The following ZNF462 variants were observed in gnomAD, a reference collection of about 807,000 sequenced individuals.
ZNF462 encodes the protein zinc finger protein 462.
A neutral mutation model predicts 201.9 loss-of-function variants in ZNF462; 10 were observed. The ratio of observed to expected loss-of-function variants is 0.05; its 90% confidence interval spans 0.03 to 0.08. The LOEUF is 0.08. Ranked by LOEUF, ZNF462 falls within the 10% of genes least tolerant of loss-of-function variation. ZNF462 has a pLI of 1.00. For synonymous variants in ZNF462, 1,227 were observed against 1,193.3 expected (o/e 1.03, Z -0.58); for missense variants, 2,523 against 3,168.3 (o/e 0.80, Z 4.89).
Position 106,925,598 on chromosome 9 carries a change from G to A in ZNF462, c.1686G>A (p.Gln562=), listed in dbSNP as rs755748800. ...PPPSQPQPLQ[Q]PQPPQLQPPH... ...CATCACAGCCACAGCCACTGCAGCA[G>A]CCACAGCCACCACAGCTGCAGCCAC... Residue 562 remains glutamine, a synonymous_variant, in exon 3 of 13, where the codon CAG becomes CAA. Coordinates refer to ENST00000277225, the MANE Select transcript of ZNF462 (RefSeq NM_021224.6). The surrounding 1 kb of genome is among the most constrained non-coding windows in gnomAD (Gnocchi z 7.9). 1.2e-6 allele frequency: 2 copies of A among 1,613,128 alleles called. No individual in the cohort carries two copies. Among genetic ancestry groups the A allele is most frequent in the Admixed American group, 3.3e-5 (2 of 59,896 alleles).
chr9:106,977,752 A>T lies in ZNF462; in HGVS notation c.6832+3479A>T, dbSNP rs887516403. ...TTGTAGTAGAGAGGGGTGGCTTTCAAACTGAGCCATGATAACATTTCAACA... is the reference window on the plus strand; with the variant it reads ...TTGTAGTAGAGAGGGGTGGCTTTCATACTGAGCCATGATAACATTTCAACA... On this transcript the variant is annotated intron_variant, in intron 9 of 12. Transcript: ENST00000277225. The surrounding 1 kb of genome is among the most constrained non-coding windows in gnomAD (Gnocchi z 4.6). Among the ~76,000 whole-genome samples the T allele has an allele frequency of 6.6e-6, 1 of 151,558 alleles. No individual in the cohort carries two copies. The highest frequency in any genetic ancestry group is 6.6e-5 in the Admixed American group (1 of 15,260).
In ZNF462 at chr9:106,923,738, G is replaced by A. The variant is rs577912290; in HGVS notation, c.220+135G>A. On this transcript the variant is annotated intron_variant, in intron 2 of 12. Coordinates refer to ENST00000277225, the MANE Select transcript of ZNF462 (RefSeq NM_021224.6). This position sits in a 1 kb window ranked among gnomAD's most constrained non-coding sequence, Gnocchi z 5.6. ...CTTTGCTAGCCATTTTTGTGGTTTGGGCATCATGTATCTCTCCTTGAGTAC... is the reference window on the plus strand; with the variant it reads ...CTTTGCTAGCCATTTTTGTGGTTTGAGCATCATGTATCTCTCCTTGAGTAC... The A allele has an allele frequency of 4.8e-6, 4 of 838,582 alleles. No homozygotes were observed. In the African/African-American group the frequency reaches 5.1e-5, roughly 11 times the overall value. The allele number at this position is 838,582 out of a possible 1,614,324, so 51.9% of individuals were successfully genotyped here.
At chr9:106,934,651 A>G (rs1830556691) in intron 5 of ZNF462, among the ~76,000 whole-genome samples, 1 of 152,216 alleles carries the variant, frequency 6.6e-6, no homozygotes, top group Non-Finnish European at 1.5e-5. Flanking sequence ...TTTGGAGCTC[A>G]GGACAGCATT....
chr9:106,942,895 G>A (rs556129994), intron 7 of ZNF462, among the ~76,000 whole-genome samples: 2 of 152,050 alleles, frequency 1.3e-5, no homozygotes, highest in African/African-American at 4.8e-5. Context: ...AGTTTCTCCC[G>A]GGGACTAATA....
chr9:106,941,945 G>T (rs1046435470), intron 7 of ZNF462, among the ~76,000 whole-genome samples: 3 of 152,172 alleles, frequency 2.0e-5, no homozygotes, highest in Non-Finnish European at 4.4e-5. Flanking sequence ...GGCCTTGAAT[G>T]GTGTTTGAAA....
At chr9:107,000,977 C>T (rs1275058134) in intron 10 of ZNF462, among the ~76,000 whole-genome samples, 1 of 152,174 alleles carries the variant, frequency 6.6e-6, no homozygotes, top group Middle Eastern at 3.2e-3. Context: ...ATTAAAACAA[C>T]TGGATTAAAG....
At chr9:106,969,076 C>T (rs1013169335) in intron 7 of ZNF462, among the ~76,000 whole-genome samples, 9 of 151,996 alleles carry the variant, frequency 5.9e-5, no homozygotes, top group African/African-American at 1.2e-4. Flanking sequence ...TCCACGTGAG[C>T]GAGAGCGAAA....
At chr9:106,921,793 C>T (rs1830002747) in intron 1 of ZNF462, among the ~76,000 whole-genome samples, 1 of 152,132 alleles carries the variant, frequency 6.6e-6, no homozygotes, top group African/African-American at 2.4e-5. Flanking sequence ...GTAATTTGAT[C>T]CAGAGCTGAT....
chr9:106,931,020 G>T, intron 4 of ZNF462: 1 of 232,866 alleles, frequency 4.3e-6, no homozygotes. Context: ...AGTTGCCCGA[G>T]CTCTTGAGAG....
At chr9:106,896,264 G>A (rs1363368341) in intron 1 of ZNF462, among the ~76,000 whole-genome samples, 1 of 152,164 alleles carries the variant, frequency 6.6e-6, no homozygotes, top group African/African-American at 2.4e-5. Flanking sequence ...GCACTCAAAT[G>A]TTTAGTTAGT....
chr9:107,009,398 C>A lies in ZNF462; in HGVS notation c.7190-147C>A, dbSNP rs1829787835. 2 of 1,134,708 alleles carry A rather than the reference C, an allele frequency of 1.8e-6. No homozygotes were observed. The highest frequency in any genetic ancestry group is 1.6e-5 in the African/African-American group (1 of 64,190). The allele number at this position is 1,134,708 out of a possible 1,614,324, so 70.3% of individuals were successfully genotyped here. On this transcript the variant is annotated intron_variant, in intron 11 of 12. Transcript: ENST00000277225. The surrounding 1 kb of genome is among the most constrained non-coding windows in gnomAD (Gnocchi z 6.1). ...TCAAGGAATGCCCTAAGGGGGAAAC[C>A]TAAGAAAAAGTGAGGAATCTGGAAA... is the stretch of plus-strand genomic sequence containing the variant.
chr9:106,986,229 G>A (rs534145514), intron 10 of ZNF462, among the ~76,000 whole-genome samples: 46 of 152,292 alleles, frequency 3.0e-4, no homozygotes, highest in African/African-American at 1.1e-3. Context: ...GTGGGCGGAA[G>A]GCTGAGGCTT....
chr9:106,863,982 C>T (rs963264570), intron 1 of ZNF462, among the ~76,000 whole-genome samples: 1 of 149,630 alleles, frequency 6.7e-6, no homozygotes, highest in Non-Finnish European at 1.5e-5. Flanking sequence ...TCTGCCTGTC[C>T]CCCGCCCGAT....
Position 106,928,577 on chromosome 9 carries a change from T to C in ZNF462, c.4665T>C (p.Ser1555=), listed in dbSNP as rs1359607242. 2 of 1,613,968 alleles carry C rather than the reference T, an allele frequency of 1.2e-6. No homozygotes were observed. Among genetic ancestry groups the C allele is most frequent in the African/African-American group, 2.7e-5 (2 of 74,896 alleles). Residue 1555 remains serine, a synonymous_variant, in exon 3 of 13, where the codon TCT becomes TCC. Coordinates refer to ENST00000277225, the MANE Select transcript of ZNF462 (RefSeq NM_021224.6). This position sits in a 1 kb window ranked among gnomAD's most constrained non-coding sequence, Gnocchi z 9.3. The part of the protein sequence containing the change: ...AEDFVHDVEQ[S]ADISQNDVEE... Reference sequence around the variant, plus strand: ...ACTTTGTGCACGACGTAGAGCAGTCTGCTGACATATCCCAGAATGACGTGG... The same window carrying C: ...ACTTTGTGCACGACGTAGAGCAGTCCGCTGACATATCCCAGAATGACGTGG...
In ZNF462 at chr9:106,926,808, C is replaced by A; in HGVS notation, c.2896C>A (p.Gln966Lys). Residue 966 changes from glutamine to lysine, a missense_variant, in exon 3 of 13, where the codon CAG becomes AAG. Around this residue, in one of 15 missense-constraint regions of ZNF462, gnomAD observed 280 missense variants for 321.3 expected, o/e 0.87. Coordinates refer to ENST00000277225, the MANE Select transcript of ZNF462 (RefSeq NM_021224.6). The surrounding 1 kb of genome is among the most constrained non-coding windows in gnomAD (Gnocchi z 7.9). ...AMIFSSYVVE[Q>K]QEGLNTESQT... ...GATATTTTCAAGCTATGTCGTGGAG[C>A]AGCAGGAAGGGCTGAATACAGAATC... 1 of 1,614,156 alleles carries A rather than the reference C, an allele frequency of 6.2e-7. No homozygotes were observed. Among genetic ancestry groups the A allele is most frequent in the Middle Eastern group, 1.6e-4 (1 of 6,062 alleles).
Position 106,885,433 on chromosome 9 carries a change from G to C in ZNF462, c.-31+22078G>C, listed in dbSNP as rs181917069. Among the ~76,000 whole-genome samples, 426 of 152,270 alleles carry C rather than the reference G, an allele frequency of 2.8e-3. 2 individuals carry two copies. The highest frequency in any genetic ancestry group is 2.6e-3 in the Non-Finnish European group (176 of 68,018). On this transcript the variant is annotated intron_variant, in intron 1 of 12. Coordinates refer to ENST00000277225, the MANE Select transcript of ZNF462 (RefSeq NM_021224.6). This position sits in a 1 kb window ranked among gnomAD's most constrained non-coding sequence, Gnocchi z 4.1. ...TTAGTAACAGAAAGCAGCAGTCATGGCCCAAGAACCTGTGGTTCTTGGTTG... is the reference window on the plus strand; with the variant it reads ...TTAGTAACAGAAAGCAGCAGTCATGCCCCAAGAACCTGTGGTTCTTGGTTG...
intron 7 of ZNF462, among the ~76,000 whole-genome samples, chr9:106,943,059 C>CGCGCGCGCGCGTGT (rs374167214): frequency 7.0e-5 from 10 of 143,154 alleles, no homozygotes; most frequent in African/African-American, 2.6e-4. Flanking sequence ...TTTGCGCGCG[C>CGCGCGCGCGCGTGT]GTGTGTGTGT....
Position 106,978,963 on chromosome 9 carries a change from G to A in ZNF462, c.6832+4690G>A, listed in dbSNP as rs367798784. ...GCCTTTGTCTTCCAAGTTAATGTGT[G>A]TGAAGGCAACAGTAGTGCAGATCTC... is the stretch of plus-strand genomic sequence containing the variant. On this transcript the variant is annotated intron_variant, in intron 9 of 12. Transcript: ENST00000277225. The surrounding 1 kb of genome is among the most constrained non-coding windows in gnomAD (Gnocchi z 4.1). 9.4e-4 allele frequency: 271 copies of A among 287,736 alleles called. 5 individuals carry two copies. The highest frequency in any genetic ancestry group is 8.8e-3 in the South Asian group (250 of 28,342). The allele number at this position is 287,736 out of a possible 1,614,324, so 17.8% of individuals were successfully genotyped here.
At position 106,920,595 on chromosome 9, in the gene ZNF462, C is replaced by A. The variant is rs969803452; in HGVS notation, c.-30-2759C>A. On this transcript the variant is annotated intron_variant, in intron 1 of 12. Transcript: ENST00000277225. The surrounding 1 kb of genome is among the most constrained non-coding windows in gnomAD (Gnocchi z 4.3). ...AAAGCTAGAACCCATTAGGAAATCA[C>A]TTTCATCATCTCTTCTTTTTCCAAA... Among the ~76,000 whole-genome samples the A allele has an allele frequency of 6.6e-6, 1 of 152,300 alleles. No homozygotes were observed. Among genetic ancestry groups the A allele is most frequent in the Middle Eastern group, 3.4e-3 (1 of 294 alleles).
Sources: allele counts gnomAD v4.1 joint callset (sites outside exome capture counted in the v4.1 genomes callset), GRCh38; gene constraint gnomAD v4.1.1; regional missense constraint gnomAD v4.1.1; non-coding constraint Gnocchi (gnomAD v3.1); transcripts MANE v1.5; gene names NCBI Gene and HGNC (gene_info 2026-07-23, HGNC 2026-07-21).